Variants in DNA2 observed in about 807,000 individuals in gnomAD.
DNA2 encodes the protein DNA replication ATP-dependent helicase/nuclease DNA2.
DNA2 carries 101 observed loss-of-function variants against 119.1 expected under a neutral mutation model. The observed-to-expected ratio is 0.85, with a 90% CI of 0.72 to 1.00. The LOEUF is 1.00. DNA2 is among the 50% of genes least tolerant of loss of function. The probability of loss-of-function intolerance (pLI) is 0.00; values close to 1 mark genes in which losing one functional copy is unlikely to be tolerated. For synonymous variants in DNA2, 366 were observed against 424.4 expected, an observed-to-expected ratio of 0.86 and a Z score of 1.69; for missense variants, 1,121 against 1,255.5, an observed-to-expected ratio of 0.89 and a Z score of 1.62.
At chr10:68,436,723 G>T (rs1191980501) in intron 10 of DNA2, 1 of 236,932 alleles carries the variant, frequency 4.2e-6, no homozygotes, top group African/African-American at 2.2e-5. Flanking sequence ...CCATTTACAT[G>T]AGATGTCCAG....
intron 17 of DNA2, among the ~76,000 whole-genome samples, chr10:68,421,316 A>G (rs2051662357): frequency 6.6e-6 from 1 of 152,116 alleles, no homozygotes; most frequent in Admixed American, 6.6e-5. Context: ...CAGCCCTTTG[A>G]TAGTATCAGT....
Position 68,444,988 on chromosome 10 carries a change from G to C in DNA2, c.1153C>G (p.Gln385Glu). ...CAAGTTTTCTCTTCCTCAATTATTT[G>C]TGGCAAAGAAGCAAGCTGTGTCTTC... The part of the protein sequence containing the change: ...RQKTQLASLP[Q>E]IIEEEKTCKY... The change falls in exon 8 of 21, where the codon CAA becomes GAA. Residue 385 changes from glutamine to glutamate, a missense_variant. Physicochemically the swap from Gln to Glu is conservative, Grantham distance 29 (BLOSUM62 2). Coordinates refer to ENST00000358410, the MANE Select transcript of DNA2 (RefSeq NM_001080449.3). 3 of 1,613,500 alleles carry C rather than the reference G, an allele frequency of 1.9e-6. No homozygotes were observed. The highest frequency in any genetic ancestry group is 2.5e-6 in the Non-Finnish European group (3 of 1,179,654).
At chr10:68,438,947 C>A (rs1365773081) in intron 9 of DNA2, among the ~76,000 whole-genome samples, 1 of 146,816 alleles carries the variant, frequency 6.8e-6, no homozygotes, top group African/African-American at 2.5e-5. Context: ...GCAGGAGAAT[C>A]ACTTGAACCC....
chr10:68,470,838 CTAAAG>C (rs1276521529), intron 1 of DNA2, among the ~76,000 whole-genome samples: 1 of 152,106 alleles, frequency 6.6e-6, no homozygotes, highest in African/African-American at 2.4e-5. Context: ...GTCCAACCTG[CTAAAG>C]TAATGCCGGA....
rs999637952 is a variant in DNA2 at position 68,424,229 on chromosome 10, T to A, written c.2209-1339A>T. Among the ~76,000 whole-genome samples, 6 of 152,190 alleles carry A rather than the reference T, an allele frequency of 3.9e-5. No homozygotes were observed. In the East Asian group the frequency reaches 1.2e-3, roughly 29 times the overall value. On this transcript the variant is annotated intron_variant, in intron 14 of 20. Coordinates refer to ENST00000358410, the MANE Select transcript of DNA2 (RefSeq NM_001080449.3). ...CTAAAAATATGATAACTGGGCCAGG[T>A]ACAGTGGCTCACGCCTGTAATCCCA...
intron 14 of DNA2, among the ~76,000 whole-genome samples, chr10:68,424,331 C>T (rs1163795405): frequency 6.6e-6 from 1 of 152,016 alleles, no homozygotes; most frequent in East Asian, 1.9e-4. Flanking sequence ...CAGCGAAAAC[C>T]GGTCTCTACA....
intron 3 of DNA2, among the ~76,000 whole-genome samples, chr10:68,467,656 T>A (rs932926538): frequency 2.6e-5 from 4 of 152,050 alleles, no homozygotes; most frequent in African/African-American, 9.7e-5. Context: ...GTTTAAACGA[T>A]TCTCCTGCCT....
intron 17 of DNA2, among the ~76,000 whole-genome samples, chr10:68,421,336 T>C (rs2051662621): frequency 6.6e-6 from 1 of 152,142 alleles, no homozygotes; most frequent in African/African-American, 2.4e-5. Context: ...TGCCATTTCC[T>C]TTTCTAGGAA....
Position 68,422,270 on chromosome 10 carries a change from T to C in DNA2, c.2652A>G (p.Gly884=). ...AAACAGGATTGTTGGGTTCAAATAC[T>C]CCCATCAACCAAGGATTATCAGAAT... The part of the protein sequence containing the change: ...ADYSDNPWLM[G]VFEPNNPVCF... Residue 884 remains glycine, a synonymous_variant, in exon 17 of 21, where the codon GGA becomes GGG. Coordinates refer to ENST00000358410, the MANE Select transcript of DNA2 (RefSeq NM_001080449.3). The C allele has an allele frequency of 6.2e-7, 1 of 1,613,118 alleles. No homozygotes were observed. The highest frequency in any genetic ancestry group is 1.1e-5 in the South Asian group (1 of 90,862).
At chr10:68,421,574 T>A (rs1351092042) in intron 17 of DNA2, among the ~76,000 whole-genome samples, 1 of 151,618 alleles carries the variant, frequency 6.6e-6, no homozygotes, top group African/African-American at 2.4e-5. Context: ...GCCAACATGG[T>A]GAAAGCCTGT....
intron 6 of DNA2, among the ~76,000 whole-genome samples, chr10:68,447,592 G>A (rs1397969521): frequency 6.6e-6 from 1 of 151,256 alleles, no homozygotes; most frequent in Admixed American, 6.6e-5. Flanking sequence ...AGGAGGCTGA[G>A]ATGGGAGGAT....
chr10:68,469,913 C>T (rs2133452411), intron 2 of DNA2, 68 bp downstream of exon 2: 7 of 1,330,544 alleles, frequency 5.3e-6, no homozygotes, highest in Non-Finnish European at 7.1e-6. Context: ...TTCACAGAAG[C>T]CATTTGATGA....
At chr10:68,460,010 G>C (rs558611234) in intron 4 of DNA2, among the ~76,000 whole-genome samples, 1 of 144,624 alleles carries the variant, frequency 6.9e-6, no homozygotes, top group East Asian at 2.1e-4. Flanking sequence ...CTGGGCAAGA[G>C]AGCAAGACTC....
At chr10:68,425,847 A>AT (rs1362756173) in intron 14 of DNA2, among the ~76,000 whole-genome samples, 1 of 151,900 alleles carries the variant, frequency 6.6e-6, no homozygotes, top group Non-Finnish European at 1.5e-5. Context: ...CAAAAAACAA[A>AT]TACCAGGCCA....
Position 68,442,859 on chromosome 10 carries a change from C to T in DNA2, c.1415+58G>A. On this transcript the variant is annotated intron_variant, in intron 9 of 20. Coordinates refer to ENST00000358410, the MANE Select transcript of DNA2 (RefSeq NM_001080449.3). The stretch of plus-strand genomic sequence containing the variant: ...TTGTATTTGTCATAAATTCCAAAGG[C>T]CACCTCATTCACTAATCCAAACTAC... 2.8e-6 allele frequency: 4 copies of T among 1,404,530 alleles called. No individual in the cohort carries two copies. The South Asian group carries it at 5.6e-5, about 20-fold the overall frequency. The allele number at this position is 1,404,530 out of a possible 1,614,324, so 87.0% of individuals were successfully genotyped here. A position where few individuals can be genotyped will look rare whatever the true frequency, so the allele number is the denominator to read the frequency against.
chr10:68,468,441 T>TA (rs953044590), intron 2 of DNA2, 135 bp from the exon 3 acceptor site: 6,352 of 430,498 alleles, frequency 0.015, 1 homozygote, highest in Middle Eastern at 0.02. Context: ...TCTGGGTCTT[T>TA]AAAAAAAAAA....
chr10:68,448,538 G>A (rs977542307), intron 6 of DNA2, among the ~76,000 whole-genome samples: 1 of 152,018 alleles, frequency 6.6e-6, no homozygotes, highest in African/African-American at 2.4e-5. Flanking sequence ...TGCATAATAT[G>A]CAATATAAAT....
At chr10:68,425,819 A>C (rs963636259) in intron 14 of DNA2, among the ~76,000 whole-genome samples, 8 of 151,728 alleles carry the variant, frequency 5.3e-5, no homozygotes, top group African/African-American at 9.7e-5. Flanking sequence ...CAAAAAAAAA[A>C]CAAAAACCCC....
chr10:68,446,726 C>CA (rs879744437), intron 6 of DNA2, among the ~76,000 whole-genome samples: 2 of 151,254 alleles, frequency 1.3e-5, no homozygotes, highest in Non-Finnish European at 3.0e-5. Flanking sequence ...TTATGTTAAG[C>CA]AAAAAAAGCC....
Sources: allele counts gnomAD v4.1 joint callset (sites outside exome capture counted in the v4.1 genomes callset), GRCh38; gene constraint gnomAD v4.1.1; transcripts MANE v1.5; gene names NCBI Gene and HGNC (gene_info 2026-07-23, HGNC 2026-07-21).